Variants in REV3L observed in about 807,000 individuals in gnomAD.
The protein encoded by REV3L is REV3 like, DNA directed polymerase zeta catalytic subunit, also known as DNA polymerase zeta catalytic subunit.
Under a neutral mutation model 299.4 loss-of-function variants are expected in REV3L, and 69 were observed. That is an observed-to-expected ratio of 0.23 (90% CI 0.19 to 0.28). The LOEUF (loss-of-function observed/expected upper bound fraction) is 0.28. Among genes scored for constraint, REV3L ranks in the 10% least tolerant of loss-of-function variants. The pLI is 1.00. For synonymous variants in REV3L, 1,238 were observed against 1,271.4 expected (o/e 0.97, Z 0.56); for missense variants, 3,128 against 3,693.8 (o/e 0.85, Z 3.97).
chr6:111,464,995 C>T (rs1791262977), intron 1 of REV3L, among the ~76,000 whole-genome samples: 1 of 151,532 alleles, frequency 6.6e-6, no homozygotes, highest in Admixed American at 6.6e-5. Context: ...GAGCAAGACT[C>T]CATCTCAAAA....
intron 1 of REV3L, among the ~76,000 whole-genome samples, chr6:111,463,333 C>T (rs1791025553): frequency 6.6e-6 from 1 of 152,118 alleles, no homozygotes; most frequent in African/African-American, 2.4e-5. Flanking sequence ...AAGGCCAAAA[C>T]TGTCCGAAGA....
chr6:111,306,222 G>C (rs192891540), intron 31 of REV3L, among the ~76,000 whole-genome samples: 23 of 152,268 alleles, frequency 1.5e-4, no homozygotes, highest in African/African-American at 5.3e-4. Flanking sequence ...AGAGGTTTCA[G>C]CTGATTCCTC....
At chr6:111,333,075 G>C in intron 23 of REV3L, 48 bp downstream of exon 23, 1 of 1,594,154 alleles carries the variant, frequency 6.3e-7, no homozygotes. Flanking sequence ...ATTTTAGTAA[G>C]AAGTACAAAG....
At chr6:111,319,400 G>C (rs1242042592) in intron 26 of REV3L, among the ~76,000 whole-genome samples, 1 of 152,084 alleles carries the variant, frequency 6.6e-6, no homozygotes, top group African/African-American at 2.4e-5. Context: ...GGCAGAGCAT[G>C]CAGTGAGCTG....
At chr6:111,472,797 G>A (rs138765991) in intron 1 of REV3L, among the ~76,000 whole-genome samples, 2 of 151,812 alleles carry the variant, frequency 1.3e-5, no homozygotes, top group East Asian at 1.9e-4. Context: ...TAGAAGGAAC[G>A]ACAGAAAACA....
Position 111,358,900 on chromosome 6 carries a change from T to A in REV3L, c.6994A>T (p.Thr2332Ser), listed in dbSNP as rs1778365286. The change falls in exon 17 of 32, where the codon ACT becomes TCT. Residue 2332 changes from threonine (T) to serine (S), a missense_variant. Transcript: ENST00000368802. Reference protein sequence around the residue: ...CALFYCISSDTPLPDTEKTEL... With the variant: ...CALFYCISSDSPLPDTEKTEL... ...GTTTTTTCTGTATCTGGCAGTGGAGTGTCAGATGAGATGCAGTAGAACAGA... is the reference window on the plus strand; with the variant it reads ...GTTTTTTCTGTATCTGGCAGTGGAGAGTCAGATGAGATGCAGTAGAACAGA... 6.2e-7 allele frequency: 1 copy of A among 1,614,056 alleles called. No individual in the cohort carries two copies. Among genetic ancestry groups the A allele is most frequent in the Admixed American group, 1.7e-5 (1 of 60,010 alleles).
At chr6:111,405,714 C>CA (rs1783549191) in intron 3 of REV3L, 84 bp from the exon 4 acceptor site, 1 of 880,246 alleles carries the variant, frequency 1.1e-6, no homozygotes, top group Non-Finnish European at 1.7e-6. Context: ...ATATACAGAA[C>CA]AAAGCACTTA....
At chr6:111,441,135 G>A (rs1788214941) in intron 1 of REV3L, among the ~76,000 whole-genome samples, 1 of 152,136 alleles carries the variant, frequency 6.6e-6, no homozygotes, top group Admixed American at 6.5e-5. Context: ...CTTCTGAAAA[G>A]CCCATCAAAG....
chr6:111,423,861 C>T (rs1450751452), intron 1 of REV3L, among the ~76,000 whole-genome samples: 1 of 152,110 alleles, frequency 6.6e-6, no homozygotes, highest in African/African-American at 2.4e-5. Context: ...ATGATAATGT[C>T]ACTCAAAGAA....
Position 111,431,768 on chromosome 6 carries a change from G to T in REV3L, c.140-15296C>A, listed in dbSNP as rs1786954753. The T allele has an allele frequency of 5.3e-6, 4 of 759,092 alleles. No individual in the cohort carries two copies. The Admixed American group carries it at 5.6e-5, about 11-fold the overall frequency. The allele number at this position is 759,092 out of a possible 1,614,324, so 47.0% of individuals were successfully genotyped here. A position where few individuals can be genotyped will look rare whatever the true frequency, so the allele number is the denominator to read the frequency against. On this transcript the variant is annotated intron_variant, in intron 1 of 31. Transcript: ENST00000368802. The stretch of plus-strand genomic sequence containing the variant: ...AAAAAGACGAATGTTGCTGAATGTG[G>T]ACCTGGTGGAAGTTGAGGCCACCTG...
intron 3 of REV3L, among the ~76,000 whole-genome samples, chr6:111,408,886 T>G (rs1485957755): frequency 3.3e-5 from 5 of 152,156 alleles, no homozygotes; most frequent in Non-Finnish European, 4.4e-5. Flanking sequence ...GGTTTCATCA[T>G]GCTGGCCAGG....
At chr6:111,348,524 C>A (rs1777251742) in intron 20 of REV3L, among the ~76,000 whole-genome samples, 1 of 152,132 alleles carries the variant, frequency 6.6e-6, no homozygotes, top group African/African-American at 2.4e-5. Flanking sequence ...CTTCCTATTT[C>A]TAGACTAAAT....
intron 1 of REV3L, among the ~76,000 whole-genome samples, chr6:111,466,909 C>T (rs969774947): frequency 6.6e-6 from 1 of 152,062 alleles, no homozygotes; most frequent in Non-Finnish European, 1.5e-5. Flanking sequence ...AAGAAAATAA[C>T]AGTAAGTCAA....
At position 111,427,639 on chromosome 6, in the gene REV3L, C is replaced by T. The variant is rs184324872; in HGVS notation, c.140-11167G>A. Among the ~76,000 whole-genome samples the T allele has an allele frequency of 4.5e-4, 68 of 152,308 alleles. 1 individual carries two copies. Among genetic ancestry groups the T allele is most frequent in the Middle Eastern group, 3.4e-3 (1 of 294 alleles). On this transcript the variant is annotated intron_variant, in intron 1 of 31. Coordinates refer to ENST00000368802, the MANE Select transcript of REV3L (RefSeq NM_001372078.1). ...GTGCCCCTCCCCTCAATCTGTCCAG[C>T]ACCAAGCATGCAGAAAACTTTCCCA...
intron 31 of REV3L, among the ~76,000 whole-genome samples, chr6:111,304,297 TAAG>T (rs201571964): frequency 0.1 from 14,999 of 150,302 alleles, 979 homozygotes; most frequent in Middle Eastern, 0.18. Flanking sequence ...TAGAAACACT[TAAG>T]AAGTACATTT....
intron 4 of REV3L, among the ~76,000 whole-genome samples, chr6:111,396,546 A>G (rs907718348): frequency 7.2e-5 from 11 of 152,056 alleles, no homozygotes; most frequent in African/African-American, 2.4e-4. Flanking sequence ...AAATTTCTAG[A>G]CTAGTTTGAG....
rs1780027463 is a variant in REV3L, at chr6:111,373,772, G to A, written c.4583C>T (p.Ala1528Val). ...TTTTTGTAACAATTCTTTTAGAACT[G>A]CCAGTCCAGACTGTCCTTCACCAAA... ...SAFGEGQSGL[A>V]VLKELLQKRQ... Residue 1528 changes from alanine (A) to valine (V), a missense_variant, in exon 13 of 32, where the codon GCA becomes GTA. By Grantham distance (64) the Ala-to-Val change is moderately conservative. Around this residue, in one of 9 missense-constraint regions of REV3L, gnomAD observed 2,409 missense variants for 2,611.8 expected, o/e 0.92. Transcript: ENST00000368802. 1.2e-6 allele frequency: 2 copies of A among 1,613,842 alleles called. No individual in the cohort carries two copies. The highest frequency in any genetic ancestry group is 1.3e-5 in the African/African-American group (1 of 74,878).
At position 111,400,019 on chromosome 6, in the gene REV3L, T is replaced by C. The variant is rs1474808051; in HGVS notation, c.565+5451A>G. ...GTCATGTGAATGAAGTCACACAGTT[T>C]GTATCCTTTTCGGTCTGGCTTCTTT... is the stretch of plus-strand genomic sequence containing the variant. On this transcript the variant is annotated intron_variant, in intron 4 of 31. Coordinates refer to ENST00000368802, the MANE Select transcript of REV3L (RefSeq NM_001372078.1). 1.3e-5 allele frequency among the ~76,000 whole-genome samples: 2 copies of C among 152,216 alleles called. 1 individual carries two copies. The highest frequency in any genetic ancestry group is 4.1e-4 in the South Asian group (2 of 4,832).
intron 1 of REV3L, among the ~76,000 whole-genome samples, chr6:111,417,741 T>TA (rs1784922643): frequency 1.3e-5 from 2 of 152,346 alleles, no homozygotes; most frequent in South Asian, 4.1e-4. Context: ...AAGGTACACT[T>TA]ACGACAGAAA....
Sources: allele counts gnomAD v4.1 joint callset (sites outside exome capture counted in the v4.1 genomes callset), GRCh38; gene constraint gnomAD v4.1.1; regional missense constraint gnomAD v4.1.1; transcripts MANE v1.5; gene names NCBI Gene and HGNC (gene_info 2026-07-23, HGNC 2026-07-21).